The following CFAP97 variants were observed in gnomAD, a reference collection of about 807,000 sequenced individuals.
CFAP97 encodes the protein cilia- and flagella-associated protein 97.
CFAP97 carries 36 observed loss-of-function variants against 43.1 expected under a neutral mutation model. The observed-to-expected ratio is 0.84, with a 90% CI of 0.64 to 1.10. CFAP97 has a LOEUF of 1.10. Ranked by LOEUF, CFAP97 falls within the 50% of genes least tolerant of loss-of-function variation. The pLI, the probability that CFAP97 is intolerant of heterozygous loss-of-function variation, is 0.00. For missense variants in CFAP97, 657 were observed against 620.3 expected (o/e 1.06, Z -0.63); for synonymous variants, 228 against 225.7 (o/e 1.01, Z -0.09).
In CFAP97 at chr4:185,191,210, T is replaced by C. The variant is rs1439526110; in HGVS notation, c.-14A>G. The C allele has an allele frequency of 7.6e-6, 11 of 1,451,554 alleles. No homozygotes were observed. The highest frequency in any genetic ancestry group is 1.8e-4 in the Middle Eastern group (1 of 5,566). The allele number at this position is 1,451,554 out of a possible 1,614,324, so 89.9% of individuals were successfully genotyped here. ...AAACTGATCCATGATGGCAAAAATA[T>C]ATCTGAAAAAAAAATGTAAACATCA... On this transcript the variant is annotated splice_region_variant and 5_prime_UTR_variant, in exon 2 of 5. It adds an upstream start codon to the 5' untranslated region. Coordinates refer to ENST00000458385, the MANE Select transcript of CFAP97 (RefSeq NM_020827.3).
At chr4:185,178,405 G>A (rs969827588) in intron 2 of CFAP97, among the ~76,000 whole-genome samples, 2 of 151,470 alleles carry the variant, frequency 1.3e-5, no homozygotes, top group Non-Finnish European at 1.5e-5. Flanking sequence ...CCACTACCAC[G>A]CCCGGCTAAT....
chr4:185,209,973 G>C, upstream of CFAP97: 2 of 983,382 alleles, frequency 2.0e-6, no homozygotes, highest in Non-Finnish European at 2.4e-6. This position sits in a 1 kb window ranked among gnomAD's most constrained non-coding sequence, Gnocchi z 5.2. Flanking sequence ...CGGCGGCGCC[G>C]GGGGCCCCGG....
chr4:185,193,541 G>A (rs955252949), intron 1 of CFAP97, among the ~76,000 whole-genome samples: 1 of 152,148 alleles, frequency 6.6e-6, no homozygotes, highest in African/African-American at 2.4e-5. Context: ...AGCTACTCAG[G>A]AGGCTGAGGC....
At chr4:185,188,429 G>A (rs1007921923) in intron 2 of CFAP97, among the ~76,000 whole-genome samples, 19 of 150,838 alleles carry the variant, frequency 1.3e-4, no homozygotes, top group African/African-American at 2.7e-4. Flanking sequence ...TGCAAACTCC[G>A]CCTCCCAGGC....
At chr4:185,210,118 C>T (rs1164980714), upstream of CFAP97, 1 of 984,104 alleles carries the variant, frequency 1.0e-6, no homozygotes, top group African/African-American at 1.8e-5. This position sits in a 1 kb window ranked among gnomAD's most constrained non-coding sequence, Gnocchi z 4.4. Flanking sequence ...CAGCCTGTAC[C>T]TGAGCTGCGC....
chr4:185,198,260 C>T (rs547953152), intron 1 of CFAP97, among the ~76,000 whole-genome samples: 88 of 150,042 alleles, frequency 5.9e-4, no homozygotes, highest in Admixed American at 7.3e-4. Context: ...CTGGCCAACA[C>T]GGTGAAACCC....
At chr4:185,162,979 A>G in intron 4 of CFAP97, 54 bp from the exon 5 acceptor site, 1 of 1,460,732 alleles carries the variant, frequency 6.8e-7, no homozygotes, top group South Asian at 1.5e-5. Flanking sequence ...CTTGAAGTCC[A>G]GACTAGTTTT....
intron 1 of CFAP97, among the ~76,000 whole-genome samples, chr4:185,203,121 G>A (rs1736968469): frequency 6.6e-6 from 1 of 151,710 alleles, no homozygotes; most frequent in Admixed American, 6.5e-5. Context: ...GATCGCTTGA[G>A]CCCAGGAGTT....
At chr4:185,185,633 CTTTTTTTTT>C (rs376786641) in intron 2 of CFAP97, among the ~76,000 whole-genome samples, 1 of 105,958 alleles carries the variant, frequency 9.4e-6, no homozygotes, top group Non-Finnish European at 1.8e-5. Flanking sequence ...ATTTGCCAAC[CTTTTTTTTT>C]TTTTTTTTTT....
At chr4:185,195,736 C>T (rs568498520) in intron 1 of CFAP97, among the ~76,000 whole-genome samples, 23 of 152,274 alleles carry the variant, frequency 1.5e-4, no homozygotes, top group African/African-American at 5.3e-4. Flanking sequence ...AAGACTATGG[C>T]TGATCATAAT....
upstream of CFAP97, among the ~76,000 whole-genome samples, chr4:185,206,877 C>A (rs972091521): frequency 3.3e-5 from 5 of 152,032 alleles, no homozygotes; most frequent in African/African-American, 9.7e-5. Context: ...GGCCTCAGAA[C>A]CAGGGAATAG....
chr4:185,203,059 G>A (rs1666292738), intron 1 of CFAP97, among the ~76,000 whole-genome samples: 1 of 152,196 alleles, frequency 6.6e-6, no homozygotes, highest in Admixed American at 6.5e-5. Flanking sequence ...TTTGCCAGGA[G>A]GGGCATGGCT....
At chr4:185,192,733 C>CTTTTTTTTTTTTTTTT (rs760026667) in intron 1 of CFAP97, among the ~76,000 whole-genome samples, 5 of 81,410 alleles carry the variant, frequency 6.1e-5, no homozygotes, top group African/African-American at 2.2e-4. Context: ...AATTGACCTT[C>CTTTTTTTTTTTTTTTT]TTTTTTTTTT....
intron 2 of CFAP97, among the ~76,000 whole-genome samples, chr4:185,177,551 TG>T (rs1313952145): frequency 6.6e-5 from 10 of 152,122 alleles, no homozygotes; most frequent in Non-Finnish European, 1.5e-5. Flanking sequence ...AAAATAAGTA[TG>T]GGCCAGGCAC....
At chr4:185,189,551 A>G (rs1053853550) in intron 2 of CFAP97, among the ~76,000 whole-genome samples, 3 of 152,242 alleles carry the variant, frequency 2.0e-5, no homozygotes, top group Non-Finnish European at 1.5e-5. Flanking sequence ...TATAAATAAT[A>G]ATAAACTGAT....
At chr4:185,207,210 CTTTTTTTTTT>C (rs34373262), upstream of CFAP97, among the ~76,000 whole-genome samples, 4 of 76,814 alleles carry the variant, frequency 5.2e-5, no homozygotes, top group African/African-American at 1.5e-4. Flanking sequence ...ACCAGTCACA[CTTTTTTTTTT>C]TTTTTTTTTT....
chr4:185,162,783 A>C lies in CFAP97; in HGVS notation c.*15T>G. ...AGAAAAGTTGTGTGAACAATGTTTAAAGTAAAAAAGTGTTTTATAACCAAG... is the reference window on the plus strand; with the variant it reads ...AGAAAAGTTGTGTGAACAATGTTTACAGTAAAAAAGTGTTTTATAACCAAG... On this transcript the variant is annotated 3_prime_UTR_variant, in exon 5 of 5. Coordinates refer to ENST00000458385, the MANE Select transcript of CFAP97 (RefSeq NM_020827.3). 1 of 1,610,824 alleles carries C rather than the reference A, an allele frequency of 6.2e-7. No homozygotes were observed.
chr4:185,208,723 C>CAA (rs372433088), upstream of CFAP97, among the ~76,000 whole-genome samples: 445 of 146,344 alleles, frequency 3.0e-3, 18 homozygotes, highest in South Asian at 0.066. Context: ...GACTCCGTCT[C>CAA]AAAAAAAAAG....
At chr4:185,173,714 A>G (rs1735401235) in intron 3 of CFAP97, among the ~76,000 whole-genome samples, 1 of 152,208 alleles carries the variant, frequency 6.6e-6, no homozygotes, top group Non-Finnish European at 1.5e-5. Flanking sequence ...AAAGCAGACT[A>G]GATGCCCTTA....
Sources: allele counts gnomAD v4.1 joint callset (sites outside exome capture counted in the v4.1 genomes callset), GRCh38; gene constraint gnomAD v4.1.1; non-coding constraint Gnocchi (gnomAD v3.1); transcripts MANE v1.5; gene names NCBI Gene and HGNC (gene_info 2026-07-23, HGNC 2026-07-21).